Variants in KCNK13 observed in about 807,000 individuals in gnomAD.
KCNK13 encodes potassium two pore domain channel subfamily K member 13.
A neutral mutation model predicts 23.4 loss-of-function variants in KCNK13; 12 were observed. The observed-to-expected ratio is 0.51, with a 90% CI of 0.33 to 0.83. The LOEUF (loss-of-function observed/expected upper bound fraction) is 0.83. Among genes scored for constraint, KCNK13 ranks in the 40% least tolerant of loss-of-function variants. The probability of loss-of-function intolerance (pLI) is 0.02; values close to 1 mark genes in which losing one functional copy is unlikely to be tolerated. For missense variants in KCNK13, 463 were observed against 556.3 expected, an observed-to-expected ratio of 0.83 and a Z score of 1.69; for synonymous variants, 231 against 229.5, an observed-to-expected ratio of 1.01 and a Z score of -0.06.
At chr14:90,098,674 C>T (rs1391109321) in intron 1 of KCNK13, among the ~76,000 whole-genome samples, 1 of 151,286 alleles carries the variant, frequency 6.6e-6, no homozygotes, top group Non-Finnish European at 1.5e-5. Context: ...AAAGAAAACA[C>T]ATTGCACTGG....
chr14:90,068,616 G>A lies in KCNK13; in HGVS notation c.334+6077G>A, dbSNP rs139338808. On this transcript the variant is annotated intron_variant, in intron 1 of 1. Coordinates refer to ENST00000282146, the MANE Select transcript of KCNK13 (RefSeq NM_022054.4). ...AAGACCCTGTCTCAAGCAAAAAAAA[G>A]AAAAGAAATGCAGACTCTCAGGTCA... 6.8e-3 allele frequency among the ~76,000 whole-genome samples: 1,030 copies of A among 152,126 alleles called. 2 individuals carry two copies. Among genetic ancestry groups the A allele is most frequent in the Non-Finnish European group, 0.011 (736 of 67,974 alleles).
intron 1 of KCNK13, among the ~76,000 whole-genome samples, chr14:90,141,642 G>A (rs1890006112): frequency 6.6e-6 from 1 of 151,594 alleles, no homozygotes; most frequent in Non-Finnish European, 1.5e-5. Flanking sequence ...ATTTTTAGTA[G>A]AGACGAGATT....
At chr14:90,133,610 A>C (rs1889901084) in intron 1 of KCNK13, among the ~76,000 whole-genome samples, 1 of 152,066 alleles carries the variant, frequency 6.6e-6, no homozygotes, top group Non-Finnish European at 1.5e-5. Flanking sequence ...AAAAAAAAAA[A>C]AAAAACAGTT....
chr14:90,133,444 G>T (rs920972773), intron 1 of KCNK13, among the ~76,000 whole-genome samples: 1 of 152,060 alleles, frequency 6.6e-6, no homozygotes, highest in Admixed American at 6.5e-5. Flanking sequence ...TGATGCAAAC[G>T]TTCACGGTGG....
intron 1 of KCNK13, among the ~76,000 whole-genome samples, chr14:90,066,286 AG>A (rs760436914): frequency 2.0e-3 from 302 of 150,688 alleles, no homozygotes; most frequent in South Asian, 6.1e-3. Context: ...TTATTTTTTG[AG>A]GGAGTCTCAA....
In KCNK13 at chr14:90,062,487, C is replaced by T. The variant is rs1204565907; in HGVS notation, c.282C>T (p.Arg94=). 1.3e-6 allele frequency: 2 copies of T among 1,543,282 alleles called. No homozygotes were observed. The highest frequency in any genetic ancestry group is 1.4e-5 in the African/African-American group (1 of 72,362). ...AGIRVDNVRP[R]WDFTGAFYFV... The stretch of plus-strand genomic sequence containing the variant: ...TCCGCGTGGACAACGTCCGCCCGCG[C>T]TGGGACTTCACCGGCGCCTTCTACT... Residue 94 remains arginine, a synonymous_variant, in exon 1 of 2, where the codon CGC becomes CGT. Transcript: ENST00000282146. The surrounding 1 kb of genome is among the most constrained non-coding windows in gnomAD (Gnocchi z 4.5).
At chr14:90,100,141 G>A (rs1183309112) in intron 1 of KCNK13, among the ~76,000 whole-genome samples, 3 of 152,182 alleles carry the variant, frequency 2.0e-5, no homozygotes, top group African/African-American at 7.2e-5. Flanking sequence ...TCCCACTTTG[G>A]AGTTAATAGC....
At chr14:90,162,444 T>C (rs1890262256) in intron 1 of KCNK13, among the ~76,000 whole-genome samples, 1 of 152,194 alleles carries the variant, frequency 6.6e-6, no homozygotes, top group African/African-American at 2.4e-5. Flanking sequence ...ATTGTATCAA[T>C]GTCAATATCC....
rs746606157 is a variant in KCNK13 at position 90,184,753 on chromosome 14, C to G, written c.977C>G (p.Ser326Cys). The G allele has an allele frequency of 6.2e-7, 1 of 1,613,940 alleles. No homozygotes were observed. Among genetic ancestry groups the G allele is most frequent in the Non-Finnish European group, 8.5e-7 (1 of 1,179,846 alleles). ...PGSVRNRCNI[S>C]IETDGVAESD... ...AGCGTCCGGAACCGCTGCAACATCT[C>G]CATAGAGACAGACGGGGTGGCAGAG... The change falls in exon 2 of 2, where the codon TCC (serine) becomes TGC (cysteine). Residue 326 changes from serine to cysteine, a missense_variant. Physicochemically the swap from Ser to Cys is moderately radical, Grantham distance 112. Around this residue, in one of 3 missense-constraint regions of KCNK13, gnomAD observed 166 missense variants for 178.8 expected, o/e 0.93. Coordinates refer to ENST00000282146, the MANE Select transcript of KCNK13 (RefSeq NM_022054.4). This position sits in a 1 kb window ranked among gnomAD's most constrained non-coding sequence, Gnocchi z 5.6.
At chr14:90,152,538 A>G (rs1402035661) in intron 1 of KCNK13, among the ~76,000 whole-genome samples, 1 of 152,074 alleles carries the variant, frequency 6.6e-6, no homozygotes, top group Admixed American at 6.5e-5. Flanking sequence ...TCCATCTCAA[A>G]AAAAAAAGAA....
chr14:90,062,485 C>T lies in KCNK13; in HGVS notation c.280C>T (p.Arg94Cys). ...CATCCGCGTGGACAACGTCCGCCCG[C>T]GCTGGGACTTCACCGGCGCCTTCTA... ...AGIRVDNVRP[R>C]WDFTGAFYFV... Residue 94 changes from arginine (R) to cysteine (C), a missense_variant, in exon 1 of 2, where the codon CGC (arginine) becomes TGC (cysteine). Coordinates refer to ENST00000282146, the MANE Select transcript of KCNK13 (RefSeq NM_022054.4). The surrounding 1 kb of genome is among the most constrained non-coding windows in gnomAD (Gnocchi z 4.5). The T allele has an allele frequency of 6.5e-7, 1 of 1,543,214 alleles. No individual in the cohort carries two copies. Among genetic ancestry groups the T allele is most frequent in the Non-Finnish European group, 8.7e-7 (1 of 1,144,864 alleles).
At chr14:90,135,938 C>T (rs755564525) in intron 1 of KCNK13, among the ~76,000 whole-genome samples, 7 of 151,962 alleles carry the variant, frequency 4.6e-5, no homozygotes, top group African/African-American at 9.7e-5. Flanking sequence ...CATCACTTCT[C>T]GGGCATAAAG....
intron 1 of KCNK13, among the ~76,000 whole-genome samples, chr14:90,087,105 TATATATATATAC>T (rs1300674720): frequency 4.3e-5 from 6 of 141,104 alleles, no homozygotes; most frequent in South Asian, 2.2e-4. Flanking sequence ...TATTTCATTT[TATATATATATAC>T]ATATATATAT....
chr14:90,124,412 C>T (rs545784708), intron 1 of KCNK13, among the ~76,000 whole-genome samples: 1 of 152,306 alleles, frequency 6.6e-6, no homozygotes, highest in African/African-American at 2.4e-5. Context: ...GAGAATCTTT[C>T]CTAGCAGAGG....
intron 1 of KCNK13, among the ~76,000 whole-genome samples, chr14:90,123,513 G>C (rs939524092): frequency 1.3e-5 from 2 of 152,150 alleles, no homozygotes; most frequent in African/African-American, 4.8e-5. Flanking sequence ...CACATTCTGA[G>C]GTACTGTCAG....
intron 1 of KCNK13, among the ~76,000 whole-genome samples, chr14:90,070,113 G>T (rs1889056317): frequency 6.6e-6 from 1 of 152,122 alleles, no homozygotes; most frequent in Non-Finnish European, 1.5e-5. Context: ...ATTATTTTAT[G>T]TACCATCAAG....
At chr14:90,099,789 G>A (rs1330518140) in intron 1 of KCNK13, among the ~76,000 whole-genome samples, 1 of 152,198 alleles carries the variant, frequency 6.6e-6, no homozygotes, top group Non-Finnish European at 1.5e-5. Flanking sequence ...ACGAGGATCT[G>A]GGACCTCTGC....
Position 90,101,790 on chromosome 14 carries a change from CAAAAAAAAAAA to C in KCNK13, c.334+39263_334+39273del, listed in dbSNP as rs546423368. ...GGGCAACAGAGTGAGACTCCGTCTC[CAAAAAAAAAAA>C]AAAAAAAAAAACCTCACAAGTCACC... is the stretch of plus-strand genomic sequence containing the variant. On this transcript the variant is annotated intron_variant, in intron 1 of 1. Coordinates refer to ENST00000282146, the MANE Select transcript of KCNK13 (RefSeq NM_022054.4). Among the ~76,000 whole-genome samples, 12 of 55,586 alleles carry C rather than the reference CAAAAAAAAAAA, an allele frequency of 2.2e-4. 1 individual carries two copies. In the East Asian group the frequency reaches 3.2e-3, roughly 15 times the overall value. The allele number at this position is 55,586 out of a possible 152,430, so 36.5% of individuals were successfully genotyped here.
intron 1 of KCNK13, among the ~76,000 whole-genome samples, chr14:90,078,685 G>A (rs1301276547): frequency 6.6e-6 from 1 of 152,148 alleles, no homozygotes. Context: ...ACTCAGCAAA[G>A]GGTGAGTTGA....
Sources: allele counts gnomAD v4.1 joint callset (sites outside exome capture counted in the v4.1 genomes callset), GRCh38; gene constraint gnomAD v4.1.1; regional missense constraint gnomAD v4.1.1; non-coding constraint Gnocchi (gnomAD v3.1); transcripts MANE v1.5; gene names NCBI Gene and HGNC (gene_info 2026-07-23, HGNC 2026-07-21).